The following VWA3B variants were observed in gnomAD, a reference collection of about 807,000 sequenced individuals.
VWA3B encodes the protein von Willebrand factor A domain containing 3B.
A neutral mutation model predicts 158.3 loss-of-function variants in VWA3B; 138 were observed. The observed-to-expected ratio is 0.87, with a 90% CI of 0.76 to 1.00. The LOEUF (loss-of-function observed/expected upper bound fraction) is 1.00. Ranked by LOEUF, VWA3B falls within the 50% of genes least tolerant of loss-of-function variation. The probability of loss-of-function intolerance (pLI) is 0.00; values close to 1 mark genes in which losing one functional copy is unlikely to be tolerated. For missense variants in VWA3B, 1,555 were observed against 1,565.1 expected, an observed-to-expected ratio of 0.99 and a Z score of 0.11; for synonymous variants, 596 against 587.3, an observed-to-expected ratio of 1.01 and a Z score of -0.21.
intron 22 of VWA3B, among the ~76,000 whole-genome samples, chr2:98,287,414 A>C (rs1161092236): frequency 2.6e-5 from 4 of 152,186 alleles, no homozygotes; most frequent in Non-Finnish European, 4.4e-5. Context: ...TCATTTTTCT[A>C]GTAATTCATT....
chr2:98,145,054 A>G, intron 7 of VWA3B, among the ~76,000 whole-genome samples: 1 of 152,100 alleles, frequency 6.6e-6, no homozygotes, highest in Non-Finnish European at 1.5e-5. Context: ...GAGTGACTTT[A>G]TCTTTTTGCC....
intron 8 of VWA3B, among the ~76,000 whole-genome samples, chr2:98,171,445 A>G (rs1269562715): frequency 6.6e-6 from 1 of 152,170 alleles, no homozygotes; most frequent in African/African-American, 2.4e-5. Flanking sequence ...TATGCCAGGA[A>G]GAAGAATAGC....
chr2:98,226,429 G>A (rs1211702807), intron 14 of VWA3B, among the ~76,000 whole-genome samples: 1 of 152,174 alleles, frequency 6.6e-6, no homozygotes, highest in Admixed American at 6.5e-5. Context: ...ACTCAAAATG[G>A]AGTGTGGACT....
intron 22 of VWA3B, among the ~76,000 whole-genome samples, chr2:98,276,877 C>A (rs535473288): frequency 6.6e-6 from 1 of 152,158 alleles, no homozygotes; most frequent in East Asian, 1.9e-4. Flanking sequence ...GGGTTGCCCT[C>A]CCCCGCCCCA....
chr2:98,241,389 T>G (rs1280311475), intron 19 of VWA3B, among the ~76,000 whole-genome samples: 1 of 151,720 alleles, frequency 6.6e-6, no homozygotes, highest in Non-Finnish European at 1.5e-5. Flanking sequence ...TAATTTGGGG[T>G]TTGAGCTGGC....
intron 22 of VWA3B, among the ~76,000 whole-genome samples, chr2:98,290,045 C>T (rs1574287969): frequency 6.6e-6 from 1 of 152,096 alleles, no homozygotes; most frequent in Admixed American, 6.5e-5. Context: ...TAGAAAATTT[C>T]AGGTATATTA....
At position 98,192,427 on chromosome 2, in the gene VWA3B, A is replaced by G. The variant is rs567111624; in HGVS notation, c.1467-471A>G. 225 of 169,058 alleles carry G rather than the reference A, an allele frequency of 1.3e-3. 1 individual carries two copies. Among genetic ancestry groups the G allele is most frequent in the African/African-American group, 4.4e-3 (185 of 41,648 alleles). The allele number at this position is 169,058 out of a possible 1,614,324, so 10.5% of individuals were successfully genotyped here. ...TTCTCTGGCGGGCAGAGTGGGGGTCACAAGGTGCTCAGTAGGGGAGCTTTT... is the reference window on the plus strand; with the variant it reads ...TTCTCTGGCGGGCAGAGTGGGGGTCGCAAGGTGCTCAGTAGGGGAGCTTTT... On this transcript the variant is annotated intron_variant, in intron 10 of 27. Coordinates refer to ENST00000477737, the MANE Select transcript of VWA3B (RefSeq NM_144992.5).
At chr2:98,294,270 C>A (rs1200629373) in intron 23 of VWA3B, among the ~76,000 whole-genome samples, 1 of 145,932 alleles carries the variant, frequency 6.9e-6, no homozygotes, top group Admixed American at 6.8e-5. Context: ...GGCTTGATGT[C>A]ATTGGTGACT....
At chr2:98,276,061 T>C (rs1232325658) in intron 22 of VWA3B, among the ~76,000 whole-genome samples, 1 of 152,218 alleles carries the variant, frequency 6.6e-6, no homozygotes, top group East Asian at 1.9e-4. Flanking sequence ...CTCAACAGGC[T>C]GTCGAAAGCC....
At chr2:98,199,212 T>A (rs764692217) in intron 12 of VWA3B, among the ~76,000 whole-genome samples, 1 of 152,210 alleles carries the variant, frequency 6.6e-6, no homozygotes, top group African/African-American at 2.4e-5. Context: ...TATTAATGAG[T>A]AGTGCTTTAT....
At chr2:98,316,295 G>A (rs971805496), downstream of VWA3B, among the ~76,000 whole-genome samples, 2 of 152,116 alleles carry the variant, frequency 1.3e-5, no homozygotes, top group Non-Finnish European at 2.9e-5. Context: ...TGATTTTGAG[G>A]TTACAAATAA....
chr2:98,219,093 TAAC>T (rs1684271808), intron 14 of VWA3B, among the ~76,000 whole-genome samples: 1 of 152,102 alleles, frequency 6.6e-6, no homozygotes, highest in African/African-American at 2.4e-5. Context: ...ATTCACCACT[TAAC>T]AAAGTAAACT....
chr2:98,273,255 A>T (rs758372787), intron 22 of VWA3B, among the ~76,000 whole-genome samples: 1 of 152,118 alleles, frequency 6.6e-6, no homozygotes, highest in Non-Finnish European at 1.5e-5. Context: ...TCTCTTTTTG[A>T]TGCTCTAGAT....
At chr2:98,289,637 T>A (rs1403368180) in intron 22 of VWA3B, among the ~76,000 whole-genome samples, 1 of 152,114 alleles carries the variant, frequency 6.6e-6, no homozygotes, top group East Asian at 1.9e-4. Flanking sequence ...CCTGAAGAGG[T>A]GGGCTGGGAT....
intron 6 of VWA3B, among the ~76,000 whole-genome samples, chr2:98,132,542 G>A (rs1361457551): frequency 6.6e-6 from 1 of 152,238 alleles, no homozygotes; most frequent in Non-Finnish European, 1.5e-5. Context: ...ATAATGCTGA[G>A]TTGCTTCTGC....
At chr2:98,296,839 T>C (rs1689829252) in intron 23 of VWA3B, among the ~76,000 whole-genome samples, 1 of 151,928 alleles carries the variant, frequency 6.6e-6, no homozygotes, top group Non-Finnish European at 1.5e-5. Context: ...TTAACACAGG[T>C]ATTTTCTTTT....
chr2:98,314,015 C>T (rs1691032933), downstream of VWA3B, among the ~76,000 whole-genome samples: 1 of 152,202 alleles, frequency 6.6e-6, no homozygotes, highest in Non-Finnish European at 1.5e-5. Context: ...ATATATGTAA[C>T]AACAGTTTCC....
At chr2:98,316,777 A>G (rs575823373), downstream of VWA3B, among the ~76,000 whole-genome samples, 1 of 151,984 alleles carries the variant, frequency 6.6e-6, no homozygotes, top group South Asian at 2.1e-4. Flanking sequence ...ATAGTGACTG[A>G]GTTCTTAGGA....
chr2:98,134,051 T>G, intron 7 of VWA3B, 112 bp downstream of exon 7: 1 of 851,178 alleles, frequency 1.2e-6, no homozygotes, highest in South Asian at 1.6e-5. Flanking sequence ...TTTTGTATAA[T>G]GTTATTAATG....
Sources: allele counts gnomAD v4.1 joint callset (sites outside exome capture counted in the v4.1 genomes callset), GRCh38; gene constraint gnomAD v4.1.1; transcripts MANE v1.5; gene names NCBI Gene and HGNC (gene_info 2026-07-23, HGNC 2026-07-21).